Variants in GRB14 observed in about 807,000 individuals in gnomAD.
GRB14 encodes the protein growth factor receptor-bound protein 14.
A neutral mutation model predicts 69.1 loss-of-function variants in GRB14; 38 were observed. That is an observed-to-expected ratio of 0.55 (90% CI 0.42 to 0.72). GRB14 has a LOEUF of 0.72. GRB14 is among the 30% of genes least tolerant of loss of function. GRB14 has a pLI of 0.00. For synonymous variants in GRB14, 247 were observed against 241.3 expected, an observed-to-expected ratio of 1.02 and a Z score of -0.22; for missense variants, 666 against 666.1, an observed-to-expected ratio of 1.00 and a Z score of 0.00.
intron 2 of GRB14, among the ~76,000 whole-genome samples, chr2:164,555,067 A>T (rs1341956106): frequency 6.6e-6 from 1 of 152,244 alleles, no homozygotes; most frequent in Admixed American, 6.5e-5. Context: ...AAGCATACTT[A>T]GTATTTCTCT....
rs183354308 is a variant in GRB14 at position 164,581,511 on chromosome 2, T to C, written c.325-33695A>G. Reference sequence around the variant, plus strand: ...CGATTCAGGACCAACAGCCAACAAATGCAGGCAGCTTCTAGATGCTGGACA... The same window carrying C: ...CGATTCAGGACCAACAGCCAACAAACGCAGGCAGCTTCTAGATGCTGGACA... On this transcript the variant is annotated intron_variant, in intron 2 of 13. Coordinates refer to ENST00000263915, the MANE Select transcript of GRB14 (RefSeq NM_004490.3). 2.6e-5 allele frequency among the ~76,000 whole-genome samples: 4 copies of C among 152,170 alleles called. No homozygotes were observed. In the East Asian group the frequency reaches 7.7e-4, roughly 29 times the overall value.
chr2:164,517,064 C>T (rs1015431975), intron 6 of GRB14, among the ~76,000 whole-genome samples: 13 of 152,088 alleles, frequency 8.5e-5, no homozygotes, highest in African/African-American at 3.1e-4. Flanking sequence ...TATACTTTAT[C>T]AGCATGAGAC....
chr2:164,498,588 A>G (rs1346250401), intron 9 of GRB14, among the ~76,000 whole-genome samples: 1 of 152,176 alleles, frequency 6.6e-6, no homozygotes, highest in East Asian at 1.9e-4. Context: ...TTTTCTACTA[A>G]TTAATAGAAG....
intron 1 of GRB14, among the ~76,000 whole-genome samples, chr2:164,620,273 T>C (rs1375086336): frequency 1.3e-5 from 2 of 152,236 alleles, no homozygotes; most frequent in Non-Finnish European, 2.9e-5. Context: ...TTCATCCTTA[T>C]GATATTTTAC....
In GRB14 at chr2:164,621,326, G is replaced by A. The variant is rs10200142; in HGVS notation, c.-17C>T. ...AGTGGTCATTGTCGCCGGCCGGGGGGCTCGGGCGTCATGGGAGACTCGGCG... is the reference window on the plus strand; with the variant it reads ...AGTGGTCATTGTCGCCGGCCGGGGGACTCGGGCGTCATGGGAGACTCGGCG... On this transcript the variant is annotated 5_prime_UTR_variant, in exon 1 of 14. Coordinates refer to ENST00000263915, the MANE Select transcript of GRB14 (RefSeq NM_004490.3). The surrounding 1 kb of genome is among the most constrained non-coding windows in gnomAD (Gnocchi z 6.0). The A allele has an allele frequency of 0.098, 124,957 of 1,280,100 alleles. 6,246 individuals carry two copies. Among genetic ancestry groups the A allele is most frequent in the Middle Eastern group, 0.13 (456 of 3,580 alleles). The allele number at this position is 1,280,100 out of a possible 1,614,324, so 79.3% of individuals were successfully genotyped here.
At chr2:164,570,115 A>C (rs1329599393) in intron 2 of GRB14, among the ~76,000 whole-genome samples, 1 of 151,914 alleles carries the variant, frequency 6.6e-6, no homozygotes, top group East Asian at 1.9e-4. Flanking sequence ...CTCTACTAAA[A>C]ATACAAAAAA....
intron 2 of GRB14, among the ~76,000 whole-genome samples, chr2:164,618,319 T>C (rs1211597144): frequency 6.6e-6 from 1 of 151,786 alleles, no homozygotes; most frequent in Non-Finnish European, 1.5e-5. Flanking sequence ...AAATCTATTA[T>C]CCTTACTTCC....
At chr2:164,545,446 G>A (rs1191451334) in intron 3 of GRB14, among the ~76,000 whole-genome samples, 1 of 152,090 alleles carries the variant, frequency 6.6e-6, no homozygotes, top group Non-Finnish European at 1.5e-5. Flanking sequence ...CAGAAGAGCA[G>A]AAAGCAATAT....
chr2:164,517,299 G>A (rs559984680), intron 6 of GRB14, among the ~76,000 whole-genome samples: 30 of 152,012 alleles, frequency 2.0e-4, no homozygotes, highest in African/African-American at 5.3e-4. Context: ...ATTATCTCCC[G>A]CCAAGTCCCA....
At chr2:164,589,702 A>T (rs1689617158) in intron 2 of GRB14, among the ~76,000 whole-genome samples, 1 of 152,034 alleles carries the variant, frequency 6.6e-6, no homozygotes, top group Non-Finnish European at 1.5e-5. Flanking sequence ...ATCTCCACCA[A>T]TGGGGATCAA....
chr2:164,535,095 G>T (rs1438871688), intron 3 of GRB14, among the ~76,000 whole-genome samples: 1 of 152,058 alleles, frequency 6.6e-6, no homozygotes, highest in Non-Finnish European at 1.5e-5. Flanking sequence ...CAATCAAGAA[G>T]ATGGAAAAAG....
intron 9 of GRB14, among the ~76,000 whole-genome samples, chr2:164,500,744 A>G (rs1687027860): frequency 6.6e-6 from 1 of 152,086 alleles, no homozygotes; most frequent in Non-Finnish European, 1.5e-5. Flanking sequence ...TTCCCAACCA[A>G]ACTCACTCAA....
chr2:164,526,192 G>C (rs1687770056), intron 4 of GRB14, among the ~76,000 whole-genome samples: 1 of 151,956 alleles, frequency 6.6e-6, no homozygotes, highest in African/African-American at 2.4e-5. Context: ...CAACGTGAGA[G>C]GTCTTTCAGG....
intron 6 of GRB14, among the ~76,000 whole-genome samples, chr2:164,514,023 A>G (rs1028845474): frequency 2.0e-5 from 3 of 152,242 alleles, no homozygotes; most frequent in African/African-American, 4.8e-5. Flanking sequence ...GTATGTGCAT[A>G]TAAACTTCTG....
chr2:164,494,302 G>A, intron 13 of GRB14, 129 bp downstream of exon 13: 1 of 610,060 alleles, frequency 1.6e-6, no homozygotes, highest in South Asian at 2.2e-5. Context: ...CAAAGCACAA[G>A]CTGCCAAATT....
intron 3 of GRB14, among the ~76,000 whole-genome samples, chr2:164,531,496 GA>G (rs1305838576): frequency 6.6e-6 from 1 of 152,014 alleles, no homozygotes; most frequent in Non-Finnish European, 1.5e-5. Flanking sequence ...ACACTATAAA[GA>G]AAGGAAAAAA....
chr2:164,516,386 G>T (rs1483398550), intron 6 of GRB14, among the ~76,000 whole-genome samples: 1 of 151,962 alleles, frequency 6.6e-6, no homozygotes, highest in Non-Finnish European at 1.5e-5. Flanking sequence ...TACTTGAGAG[G>T]CTAAGGCAGG....
rs752598309 is a variant in GRB14 at position 164,621,015 on chromosome 2, T to C, written c.191+104A>G. On this transcript the variant is annotated intron_variant, in intron 1 of 13. Coordinates refer to ENST00000263915, the MANE Select transcript of GRB14 (RefSeq NM_004490.3). This position sits in a 1 kb window ranked among gnomAD's most constrained non-coding sequence, Gnocchi z 6.0. Reference sequence around the variant, plus strand: ...ATTGTCTTCAGAGACTTTTACAAACTTGGCCCAGCTCTGGGCACATGGCTC... The same window carrying C: ...ATTGTCTTCAGAGACTTTTACAAACCTGGCCCAGCTCTGGGCACATGGCTC... The C allele has an allele frequency of 5.6e-5, 56 of 1,002,216 alleles. No individual in the cohort carries two copies. The highest frequency in any genetic ancestry group is 2.6e-4 in the Admixed American group (6 of 23,346). The allele number at this position is 1,002,216 out of a possible 1,614,324, so 62.1% of individuals were successfully genotyped here. A position where few individuals can be genotyped will look rare whatever the true frequency, so the allele number is the denominator to read the frequency against.
chr2:164,508,472 C>A lies in GRB14; in HGVS notation c.1006G>T (p.Ala336Ser), dbSNP rs368925193. The part of the protein sequence containing the change: ...EEQSRTCWVT[A>S]IRLLKYGMQL... ...GAGATTACCTTAAGCAATCTAATCG[C>A]GGTCACCCAGCACGTCCTACTCTGC... Residue 336 changes from alanine to serine, a missense_variant, in exon 8 of 14, where the codon GCG becomes TCG. By Grantham distance (99) the Ala-to-Ser change is moderately conservative. Coordinates refer to ENST00000263915, the MANE Select transcript of GRB14 (RefSeq NM_004490.3). The A allele has an allele frequency of 1.2e-6, 2 of 1,613,906 alleles. No homozygotes were observed. The highest frequency in any genetic ancestry group is 1.7e-5 in the Admixed American group (1 of 60,000).
Sources: gnomAD v4.1 joint callset for allele counts (sites outside exome capture counted in the v4.1 genomes callset) on GRCh38, gnomAD v4.1.1 for gene constraint, Gnocchi (gnomAD v3.1) non-coding constraint, MANE v1.5 for transcripts, NCBI Gene and HGNC (gene_info 2026-07-23, HGNC 2026-07-21) for gene names.